Variants in LDB2 observed in about 807,000 individuals in gnomAD.
LDB2 encodes the protein LIM domain binding 2.
Under a neutral mutation model 44.3 loss-of-function variants are expected in LDB2, and 12 were observed. That is an observed-to-expected ratio of 0.27 (90% CI 0.17 to 0.44). The LOEUF (loss-of-function observed/expected upper bound fraction) is 0.44, where lower values mean the gene tolerates loss of function less well. LDB2 is among the 20% of genes least tolerant of loss of function. The pLI, the probability that LDB2 is intolerant of heterozygous loss-of-function variation, is 1.00. For synonymous variants in LDB2, 164 were observed against 174.8 expected, an observed-to-expected ratio of 0.94 and a Z score of 0.49; for missense variants, 344 against 473.5, an observed-to-expected ratio of 0.73 and a Z score of 2.54.
At chr4:16,814,765 T>G (rs115381057) in intron 1 of LDB2, among the ~76,000 whole-genome samples, 1 of 152,168 alleles carries the variant, frequency 6.6e-6, no homozygotes, top group Non-Finnish European at 1.5e-5. Flanking sequence ...AAAGGGGATA[T>G]GACAAAGTGC....
intron 2 of LDB2, among the ~76,000 whole-genome samples, chr4:16,712,919 T>A (rs1330585957): frequency 6.6e-6 from 1 of 152,250 alleles, no homozygotes. Flanking sequence ...TTTATAGCAA[T>A]TGTTTATAAT....
intron 1 of LDB2, among the ~76,000 whole-genome samples, chr4:16,800,730 A>G (rs901059656): frequency 2.0e-5 from 3 of 152,236 alleles, no homozygotes; most frequent in African/African-American, 7.2e-5. Context: ...GCTGGAGTGC[A>G]GTGGCGCAAT....
At chr4:16,760,283 G>A (rs1264988524) in intron 1 of LDB2, among the ~76,000 whole-genome samples, 3 of 152,144 alleles carry the variant, frequency 2.0e-5, no homozygotes, top group Admixed American at 1.3e-4. Context: ...GATACCACAA[G>A]CCTCTCTTCT....
chr4:16,669,729 A>G (rs1434445720), intron 2 of LDB2, among the ~76,000 whole-genome samples: 1 of 152,226 alleles, frequency 6.6e-6, no homozygotes. Context: ...CTAGTCACAC[A>G]ATTTCTAATA....
chr4:16,572,435 T>A (rs1746896356), intron 5 of LDB2, among the ~76,000 whole-genome samples: 1 of 152,202 alleles, frequency 6.6e-6, no homozygotes, highest in Non-Finnish European at 1.5e-5. Context: ...ACTGGGAAAT[T>A]ACTTTCTTTA....
intron 2 of LDB2, among the ~76,000 whole-genome samples, chr4:16,638,290 T>G (rs796922305): frequency 9.8e-5 from 15 of 152,322 alleles, no homozygotes; most frequent in African/African-American, 3.6e-4. Context: ...TTTGTGGTGT[T>G]GAATGGGCAC....
At chr4:16,797,087 G>A (rs1776883922) in intron 1 of LDB2, among the ~76,000 whole-genome samples, 1 of 152,140 alleles carries the variant, frequency 6.6e-6, no homozygotes, top group Non-Finnish European at 1.5e-5. Flanking sequence ...TGGTTCCTTG[G>A]TATATGCAGA....
intron 1 of LDB2, among the ~76,000 whole-genome samples, chr4:16,842,096 C>T (rs929051579): frequency 7.2e-5 from 11 of 152,160 alleles, no homozygotes; most frequent in Middle Eastern, 3.2e-3. Flanking sequence ...CTTAAACATG[C>T]TTTTAAGAGT....
intron 1 of LDB2, among the ~76,000 whole-genome samples, chr4:16,842,402 C>T (rs1786057581): frequency 6.6e-6 from 1 of 151,934 alleles, no homozygotes; most frequent in African/African-American, 2.4e-5. Flanking sequence ...ACAAAATAAA[C>T]CTTATTCAGT....
At chr4:16,754,061 C>A (rs114179784) in intron 2 of LDB2, among the ~76,000 whole-genome samples, 1 of 152,176 alleles carries the variant, frequency 6.6e-6, no homozygotes, top group Admixed American at 6.5e-5. Context: ...AACAAGGTAG[C>A]GTTTTAGTAG....
At chr4:16,673,694 C>T (rs1248002570) in intron 2 of LDB2, among the ~76,000 whole-genome samples, 2 of 152,066 alleles carry the variant, frequency 1.3e-5, no homozygotes, top group Non-Finnish European at 2.9e-5. Flanking sequence ...TTTTGGTTGC[C>T]ACAATTGATG....
intron 1 of LDB2, among the ~76,000 whole-genome samples, chr4:16,768,548 C>CAA (rs145820467): frequency 9.8e-4 from 145 of 148,424 alleles, no homozygotes; most frequent in African/African-American, 3.4e-3. Flanking sequence ...AGAAAGAAGA[C>CAA]AAAAAAAAAA....
intron 1 of LDB2, among the ~76,000 whole-genome samples, chr4:16,824,667 A>G (rs1782726949): frequency 6.6e-6 from 1 of 152,198 alleles, no homozygotes; most frequent in East Asian, 1.9e-4. Context: ...ATAACTGTTA[A>G]ACTCCCTGGT....
intron 2 of LDB2, among the ~76,000 whole-genome samples, chr4:16,755,918 A>G (rs1235798566): frequency 6.6e-6 from 1 of 152,080 alleles, no homozygotes; most frequent in East Asian, 1.9e-4. Flanking sequence ...TCTCCCCACC[A>G]ATTACCACCT....
At chr4:16,664,896 C>G (rs547668838) in intron 2 of LDB2, among the ~76,000 whole-genome samples, 1 of 152,288 alleles carries the variant, frequency 6.6e-6, no homozygotes, top group African/African-American at 2.4e-5. Flanking sequence ...GGTAGATGAA[C>G]AGAAAACACA....
At chr4:16,711,736 A>G (rs1755912402) in intron 2 of LDB2, among the ~76,000 whole-genome samples, 1 of 152,246 alleles carries the variant, frequency 6.6e-6, no homozygotes, top group African/African-American at 2.4e-5. Flanking sequence ...CAACATAAGG[A>G]TAGACATATA....
chr4:16,518,387 T>C (rs79807233), intron 5 of LDB2, among the ~76,000 whole-genome samples: 9,998 of 152,242 alleles, frequency 0.066, 454 homozygotes, highest in East Asian at 0.11. Flanking sequence ...TCCATGTTTT[T>C]TGTGTGACAT....
At chr4:16,783,994 G>A (rs1773866855) in intron 1 of LDB2, among the ~76,000 whole-genome samples, 1 of 152,274 alleles carries the variant, frequency 6.6e-6, no homozygotes, top group African/African-American at 2.4e-5. Flanking sequence ...AAGATGACTG[G>A]ACAAGAATCA....
intron 2 of LDB2, among the ~76,000 whole-genome samples, chr4:16,719,075 G>T (rs560367038): frequency 8.2e-6 from 1 of 121,608 alleles, no homozygotes; most frequent in African/African-American, 2.7e-5. Context: ...ATGACCAAAT[G>T]CAAAAGAAGA....
Sources: gnomAD v4.1 joint callset for allele counts (sites outside exome capture counted in the v4.1 genomes callset) on GRCh38, gnomAD v4.1.1 for gene constraint, MANE v1.5 for transcripts, NCBI Gene and HGNC (gene_info 2026-07-23, HGNC 2026-07-21) for gene names.